Variants in CMSS1 observed in about 807,000 individuals in gnomAD.
The protein encoded by CMSS1 is cms1 ribosomal small subunit homolog.
A neutral mutation model predicts 43.5 loss-of-function variants in CMSS1; 33 were observed. That is an observed-to-expected ratio of 0.76 (90% confidence interval 0.57 to 1.01). CMSS1 has a LOEUF of 1.01. Among genes scored for constraint, CMSS1 ranks in the 50% least tolerant of loss-of-function variants. The pLI is 0.00. For missense variants in CMSS1, 313 were observed against 326.4 expected, an observed-to-expected ratio of 0.96 and a Z score of 0.32; for synonymous variants, 115 against 117.2, an observed-to-expected ratio of 0.98 and a Z score of 0.12.
At chr3:100,082,445 A>C (rs1218930607) in intron 1 of CMSS1, among the ~76,000 whole-genome samples, 1 of 152,218 alleles carries the variant, frequency 6.6e-6, no homozygotes, top group African/African-American at 2.4e-5. Context: ...TACAGCTTTA[A>C]GACTGGTAGT....
chr3:99,860,661 A>G (rs1284183994), intron 1 of CMSS1, among the ~76,000 whole-genome samples: 1 of 152,184 alleles, frequency 6.6e-6, no homozygotes, highest in African/African-American at 2.4e-5. Context: ...GACACTGTCC[A>G]TGCTGCTATG....
At chr3:99,866,308 T>C (rs1944514812) in intron 1 of CMSS1, among the ~76,000 whole-genome samples, 1 of 152,150 alleles carries the variant, frequency 6.6e-6, no homozygotes, top group African/African-American at 2.4e-5. Context: ...TTTCACCTCC[T>C]TGTAGTCTGG....
chr3:100,171,393 A>G (rs1034301278), intron 6 of CMSS1, among the ~76,000 whole-genome samples: 6 of 151,700 alleles, frequency 4.0e-5, no homozygotes, highest in African/African-American at 1.5e-4. Context: ...CATGGCCACC[A>G]CAGGCAGACC....
chr3:99,875,303 T>C (rs1236852169), intron 1 of CMSS1, among the ~76,000 whole-genome samples: 1 of 152,192 alleles, frequency 6.6e-6, no homozygotes, highest in Non-Finnish European at 1.5e-5. Flanking sequence ...CTAATTATGG[T>C]TTAAAATGTT....
intron 1 of CMSS1, among the ~76,000 whole-genome samples, chr3:99,928,488 G>T (rs1373790097): frequency 2.0e-5 from 3 of 152,156 alleles, no homozygotes; most frequent in Admixed American, 6.5e-5. Context: ...TGTAAAGTAG[G>T]GCCAGATTAT....
At chr3:99,840,066 G>A (rs1214351417) in intron 1 of CMSS1, among the ~76,000 whole-genome samples, 1 of 152,090 alleles carries the variant, frequency 6.6e-6, no homozygotes, top group Non-Finnish European at 1.5e-5. Context: ...GTAGAAGCCA[G>A]GGATGCTCCT....
Position 99,909,948 on chromosome 3 carries a change from A to G in CMSS1, c.64+91905A>G, listed in dbSNP as rs1706741558. ...CAACAAGAGCTGTTGTCATCTGACCAAAATGAGTGAGAAATTTCAGTTCTC... is the reference window on the plus strand; with the variant it reads ...CAACAAGAGCTGTTGTCATCTGACCGAAATGAGTGAGAAATTTCAGTTCTC... On this transcript the variant is annotated intron_variant, in intron 1 of 9. Coordinates refer to ENST00000421999, the MANE Select transcript of CMSS1 (RefSeq NM_032359.4). Among the ~76,000 whole-genome samples the G allele has an allele frequency of 2.2e-5, 3 of 138,448 alleles. 1 individual carries two copies. In the Admixed American group the frequency reaches 2.3e-4, roughly 11 times the overall value. 90.8% of individuals were successfully genotyped at this position (138,448 alleles called of 152,430 possible).
intron 1 of CMSS1, among the ~76,000 whole-genome samples, chr3:100,102,293 AC>A (rs2066323192): frequency 6.6e-6 from 1 of 151,976 alleles, no homozygotes; most frequent in African/African-American, 2.4e-5. Context: ...TTGTTTCCTG[AC>A]TTTTTAATGA....
intron 1 of CMSS1, among the ~76,000 whole-genome samples, chr3:99,974,554 A>C (rs531595152): frequency 5.9e-5 from 9 of 152,162 alleles, no homozygotes; most frequent in Non-Finnish European, 1.2e-4. Context: ...TACTAAAAAT[A>C]CAAAATTAGC....
intron 1 of CMSS1, among the ~76,000 whole-genome samples, chr3:100,063,585 A>G (rs1388768139): frequency 1.3e-5 from 2 of 152,152 alleles, no homozygotes; most frequent in Non-Finnish European, 2.9e-5. Flanking sequence ...AGATCTGAAT[A>G]CTTTCTCATC....
At chr3:99,950,684 C>T (rs1241104893) in intron 1 of CMSS1, among the ~76,000 whole-genome samples, 1 of 152,180 alleles carries the variant, frequency 6.6e-6, no homozygotes, top group Non-Finnish European at 1.5e-5. Flanking sequence ...GGAATGGAGG[C>T]AGCCCACGAT....
chr3:99,895,377 CTTT>C (rs35156845), intron 1 of CMSS1, among the ~76,000 whole-genome samples: 3 of 128,088 alleles, frequency 2.3e-5, no homozygotes, highest in Non-Finnish European at 1.7e-5. Context: ...GTCAGCAGGA[CTTT>C]TTTTTTTTTT....
At chr3:99,917,200 A>G (rs1000201553) in intron 1 of CMSS1, among the ~76,000 whole-genome samples, 2 of 152,132 alleles carry the variant, frequency 1.3e-5, no homozygotes, top group African/African-American at 2.4e-5. Flanking sequence ...TGGCTGTTGG[A>G]TAATTACTGT....
chr3:100,035,748 G>A (rs1424474013), intron 1 of CMSS1, among the ~76,000 whole-genome samples: 1 of 152,144 alleles, frequency 6.6e-6, no homozygotes, highest in East Asian at 1.9e-4. Flanking sequence ...AAATTCAAAT[G>A]TAGAGAGAAA....
intron 1 of CMSS1, among the ~76,000 whole-genome samples, chr3:100,081,023 G>A (rs2065923628): frequency 6.6e-6 from 1 of 152,176 alleles, no homozygotes; most frequent in African/African-American, 2.4e-5. Context: ...TATCTGTTGA[G>A]CATCTTGTGT....
At chr3:99,954,789 G>A (rs1321563993) in intron 1 of CMSS1, among the ~76,000 whole-genome samples, 1 of 151,496 alleles carries the variant, frequency 6.6e-6, no homozygotes, top group African/African-American at 2.4e-5. Flanking sequence ...TCACACCACT[G>A]CACTCCAGCC....
chr3:99,959,902 C>T (rs1017394876), intron 1 of CMSS1, among the ~76,000 whole-genome samples: 7 of 152,136 alleles, frequency 4.6e-5, no homozygotes, highest in African/African-American at 1.2e-4. Context: ...AAAACTCAGA[C>T]CACTCCCATT....
chr3:100,092,614 A>G (rs1321793187), intron 1 of CMSS1, among the ~76,000 whole-genome samples: 1 of 149,598 alleles, frequency 6.7e-6, no homozygotes, highest in Non-Finnish European at 1.5e-5. Context: ...GGGTTAAATG[A>G]GTCAATGCAT....
At chr3:99,941,087 A>G (rs1317900314) in intron 1 of CMSS1, among the ~76,000 whole-genome samples, 1 of 152,256 alleles carries the variant, frequency 6.6e-6, no homozygotes, top group African/African-American at 2.4e-5. Flanking sequence ...GTTTAGTCTG[A>G]AACATTTGCA....
Sources: allele counts gnomAD v4.1 joint callset (sites outside exome capture counted in the v4.1 genomes callset), GRCh38; gene constraint gnomAD v4.1.1; transcripts MANE v1.5; gene names NCBI Gene and HGNC (gene_info 2026-07-23, HGNC 2026-07-21).